OSBPL9: variants seen among roughly 807,000 people sequenced by gnomAD.
OSBPL9 encodes oxysterol-binding protein-related protein 9.
Under a neutral mutation model 106.6 loss-of-function variants are expected in OSBPL9, and 40 were observed. The ratio of observed to expected loss-of-function variants is 0.38; its 90% CI spans 0.29 to 0.49. The LOEUF (loss-of-function observed/expected upper bound fraction) is 0.49. Ranked by LOEUF, OSBPL9 falls within the 20% of genes least tolerant of loss-of-function variation. The pLI is 0.97. For synonymous variants in OSBPL9, 269 were observed against 295.4 expected (o/e 0.91, Z 0.92); for missense variants, 609 against 887.2 (o/e 0.69, Z 3.98).
In OSBPL9 at chr1:51,772,168, G is replaced by T; in HGVS notation, c.1037G>T (p.Gly346Val). 6.2e-7 allele frequency: 1 copy of T among 1,611,380 alleles called. No homozygotes were observed. Among genetic ancestry groups the T allele is most frequent in the South Asian group, 1.1e-5 (1 of 90,748 alleles). ...TCACTTAATTCTTCCTTGTCCAATG[G>T]AACAAGTGATGCTGGTAAGTGACCT... is the stretch of plus-strand genomic sequence containing the variant. ...TESLNSSLSN[G>V]TSDADLFDSH... Residue 346 changes from glycine (G) to valine (V), a missense_variant, in exon 13 of 24, where the codon GGA becomes GTA. This residue lies in a region of OSBPL9 where 356 missense variants were observed against 505.8 expected (regional missense o/e 0.70). Coordinates refer to ENST00000428468, the MANE Select transcript of OSBPL9 (RefSeq NM_024586.6).
chr1:51,551,503 T>A, the OSBPL9 span, among the ~76,000 whole-genome samples: 1 of 152,206 alleles, frequency 6.6e-6, no homozygotes, highest in Non-Finnish European at 1.5e-5. Context: ...CAAAATAATT[T>A]ACAGATAGTA....
chr1:51,621,330 A>G (rs1332502126), intron 1 of OSBPL9, among the ~76,000 whole-genome samples: 1 of 152,006 alleles, frequency 6.6e-6, no homozygotes, highest in African/African-American at 2.4e-5. Context: ...TATCTCTGCT[A>G]AAAATACAAA....
upstream of OSBPL9, among the ~76,000 whole-genome samples, chr1:51,575,927 A>T (rs1645181166): frequency 6.6e-6 from 1 of 152,142 alleles, no homozygotes; most frequent in Non-Finnish European, 1.5e-5. Flanking sequence ...ACTAACCCTT[A>T]TCTCCCTCAT....
intron 3 of OSBPL9, among the ~76,000 whole-genome samples, chr1:51,702,981 C>T (rs974270013): frequency 1.3e-5 from 2 of 152,124 alleles, no homozygotes; most frequent in African/African-American, 4.8e-5. Context: ...TCTGAGGGCT[C>T]TGTTCTGTTC....
intron 2 of OSBPL9, among the ~76,000 whole-genome samples, chr1:51,656,496 A>G (rs1646821337): frequency 6.6e-6 from 1 of 152,044 alleles, no homozygotes; most frequent in Non-Finnish European, 1.5e-5. Context: ...ATATCATGGA[A>G]GTTCTGCACC....
At chr1:51,594,512 GT>G (rs958303085) in intron 1 of OSBPL9, among the ~76,000 whole-genome samples, 46 of 152,170 alleles carry the variant, frequency 3.0e-4, no homozygotes, top group African/African-American at 1.1e-3. Flanking sequence ...ACCCATTTGT[GT>G]TTTTGAGATG....
chr1:51,596,103 C>T (rs1480137695), intron 1 of OSBPL9, among the ~76,000 whole-genome samples: 2 of 150,696 alleles, frequency 1.3e-5, no homozygotes, highest in Non-Finnish European at 3.0e-5. Flanking sequence ...CTAAGAAATA[C>T]AAAAATTAGC....
intron 3 of OSBPL9, among the ~76,000 whole-genome samples, chr1:51,682,065 G>T (rs1652677744): frequency 6.6e-6 from 1 of 152,068 alleles, no homozygotes; most frequent in South Asian, 2.1e-4. Context: ...AGCCAGGCAT[G>T]GTGGTGGGCA....
Position 51,661,104 on chromosome 1 carries a change from C to A in OSBPL9, c.163-8330C>A, listed in dbSNP as rs72898008. Among the ~76,000 whole-genome samples, 1,096 of 152,304 alleles carry A rather than the reference C, an allele frequency of 7.2e-3. 10 individuals carry two copies. Among genetic ancestry groups the A allele is most frequent in the African/African-American group, 0.025 (1,054 of 41,566 alleles). On this transcript the variant is annotated intron_variant, in intron 2 of 23. Coordinates refer to ENST00000428468, the MANE Select transcript of OSBPL9 (RefSeq NM_024586.6). ...AATGCACTATGTGAATGTAAATAGACTTCCAATGTCATTTAAGCAGTGATG... is the reference window on the plus strand; with the variant it reads ...AATGCACTATGTGAATGTAAATAGAATTCCAATGTCATTTAAGCAGTGATG...
intron 1 of OSBPL9, among the ~76,000 whole-genome samples, chr1:51,649,396 C>G (rs896231365): frequency 6.6e-6 from 1 of 152,192 alleles, no homozygotes; most frequent in African/African-American, 2.4e-5. Flanking sequence ...CAAGCGTGAG[C>G]CACTGTTCCT....
At chr1:51,787,107 A>C (rs1018623739) in intron 22 of OSBPL9, among the ~76,000 whole-genome samples, 5 of 152,154 alleles carry the variant, frequency 3.3e-5, no homozygotes, top group Non-Finnish European at 5.9e-5. Flanking sequence ...AGCTTCCACT[A>C]TTCTTTTTCT....
At chr1:51,784,187 G>A (rs1557874289) in intron 18 of OSBPL9, 77 bp from the exon 19 acceptor site, 1 of 1,496,350 alleles carries the variant, frequency 6.7e-7, no homozygotes, top group Non-Finnish European at 9.3e-7. Flanking sequence ...GTATCCTGGA[G>A]TAACCATCAG....
intron 14 of OSBPL9, among the ~76,000 whole-genome samples, chr1:51,774,058 G>T (rs369380380): frequency 6.6e-6 from 1 of 152,062 alleles, no homozygotes; most frequent in Non-Finnish European, 1.5e-5. Context: ...GCATATGCTC[G>T]TGCCTAAACC....
At chr1:51,760,857 A>G in intron 10 of OSBPL9, 77 bp downstream of exon 10, 2 of 1,448,522 alleles carry the variant, frequency 1.4e-6, no homozygotes, top group African/African-American at 2.9e-5. Flanking sequence ...AGTCTTAGCT[A>G]TTACTGTTTA....
At chr1:51,537,517 C>G in the OSBPL9 span, among the ~76,000 whole-genome samples, 1 of 151,926 alleles carries the variant, frequency 6.6e-6, no homozygotes, top group African/African-American at 2.4e-5. Flanking sequence ...TAAACAGAGC[C>G]AAAGGGGAAA....
intron 8 of OSBPL9, among the ~76,000 whole-genome samples, chr1:51,752,900 G>A (rs939653018): frequency 3.3e-5 from 5 of 152,228 alleles, no homozygotes; most frequent in African/African-American, 1.2e-4. Flanking sequence ...TGGGGTTAGG[G>A]CTTCAACACA....
At chr1:51,544,913 G>A in the OSBPL9 span, among the ~76,000 whole-genome samples, 3 of 136,848 alleles carry the variant, frequency 2.2e-5, no homozygotes, top group African/African-American at 5.7e-5. Flanking sequence ...GCTTGATCTC[G>A]GCTCACTGCA....
At chr1:51,566,825 G>A in the OSBPL9 span, among the ~76,000 whole-genome samples, 1 of 152,174 alleles carries the variant, frequency 6.6e-6, no homozygotes, top group African/African-American at 2.4e-5. Flanking sequence ...ACTAGACTGT[G>A]AGCAGGTGTC....
At chr1:51,544,430 G>C in the OSBPL9 span, among the ~76,000 whole-genome samples, 2 of 152,168 alleles carry the variant, frequency 1.3e-5, no homozygotes, top group South Asian at 2.1e-4. Flanking sequence ...CTGGTACTCT[G>C]TGTTTCCTTT....
Sources: allele counts gnomAD v4.1 joint callset (sites outside exome capture counted in the v4.1 genomes callset), GRCh38; gene constraint gnomAD v4.1.1; regional missense constraint gnomAD v4.1.1; transcripts MANE v1.5; gene names NCBI Gene and HGNC (gene_info 2026-07-23, HGNC 2026-07-21).